NHS: variants seen among roughly 807,000 people sequenced by gnomAD.
NHS encodes NHS actin remodeling regulator, also known as actin remodeling regulator NHS.
A neutral mutation model predicts 72.5 loss-of-function variants in NHS; 5 were observed. The ratio of observed to expected loss-of-function variants is 0.07; its 90% CI spans 0.04 to 0.14. The LOEUF is 0.14. NHS is among the 10% of genes least tolerant of loss of function. NHS has a pLI of 1.00. For missense variants in NHS, 1,072 were observed against 1,355.7 expected (o/e 0.79, Z 3.29); for synonymous variants, 464 against 547.7 (o/e 0.85, Z 2.13).
At chrX:17,524,113 T>C (rs1054552601) in intron 1 of NHS, among the ~76,000 whole-genome samples, 1 of 112,343 alleles carries the variant, frequency 8.9e-6, no homozygotes, top group Admixed American at 9.4e-5. Flanking sequence ...CTTTTTATTT[T>C]GAAATAATTA....
At chrX:17,538,199 A>G (rs376408222) in intron 1 of NHS, among the ~76,000 whole-genome samples, 159 of 112,269 alleles carry the variant, frequency 1.4e-3, no homozygotes, top group Middle Eastern at 4.6e-3. Flanking sequence ...CTGGACTCAT[A>G]TAGTCTCACA....
At chrX:17,472,534 C>G (rs1020742280) in intron 1 of NHS, among the ~76,000 whole-genome samples, 2 of 112,318 alleles carry the variant, frequency 1.8e-5, no homozygotes, top group Non-Finnish European at 3.8e-5. Flanking sequence ...TGGCTTGAAG[C>G]TTCTTTGATT....
chrX:17,376,066 G>T lies in NHS; in HGVS notation c.309G>T (p.Ala103=), dbSNP rs2064344909. ...EESTAGIPEA[A]PAAGEASSAA... ...GCACGGCGGGGATCCCGGAGGCGGC[G>T]CCCGCAGCCGGCGAGGCGTCCTCGG... Residue 103 remains alanine (A), a synonymous_variant, in exon 1 of 9, where the codon GCG becomes GCT. Transcript: ENST00000676302. 3.8e-6 allele frequency: 4 copies of T among 1,053,832 alleles called. No individual in the cohort carries two copies. Among genetic ancestry groups the T allele is most frequent in the Non-Finnish European group, 4.8e-6 (4 of 827,796 alleles). 86.8% of individuals were successfully genotyped at this position (1,053,832 alleles called of 1,213,427 possible).
At chrX:17,564,983 A>T (rs7882059) in intron 1 of NHS, among the ~76,000 whole-genome samples, 3,199 of 86,006 alleles carry the variant, frequency 0.037, 154 homozygotes, top group African/African-American at 0.16. Context: ...TTTTTTATTT[A>T]TTTTTTTTTT....
chrX:17,418,315 T>G (rs1230588320), intron 1 of NHS, among the ~76,000 whole-genome samples: 1 of 111,416 alleles, frequency 9.0e-6, no homozygotes, highest in Non-Finnish European at 1.9e-5. Context: ...GTTGGAGACG[T>G]TTTACTATTG....
intron 1 of NHS, among the ~76,000 whole-genome samples, chrX:17,603,181 G>A (rs1227733260): frequency 9.0e-6 from 1 of 111,641 alleles, no homozygotes; most frequent in Non-Finnish European, 1.9e-5. Flanking sequence ...CTGTGTGTGT[G>A]TATGGGGGGG....
intron 1 of NHS, among the ~76,000 whole-genome samples, chrX:17,685,539 C>T (rs968591847): frequency 2.7e-5 from 3 of 111,437 alleles, no homozygotes; most frequent in Non-Finnish European, 3.8e-5. Flanking sequence ...CACTGGCTTG[C>T]CCAACAAGCA....
At chrX:17,678,729 CAA>C (rs1447872333) in intron 1 of NHS, among the ~76,000 whole-genome samples, 3 of 110,081 alleles carry the variant, frequency 2.7e-5, no homozygotes, top group African/African-American at 1.0e-4. Context: ...CAAACCATAT[CAA>C]AGAGAGAGAG....
chrX:17,686,820 G>A (rs2066165582), intron 1 of NHS: 1 of 111,541 alleles, frequency 9.0e-6, no homozygotes, highest in Non-Finnish European at 1.9e-5. Flanking sequence ...AAAGCAGACT[G>A]GGCCAGTTCA....
intron 1 of NHS, among the ~76,000 whole-genome samples, chrX:17,663,402 C>T (rs2065992698): frequency 8.9e-6 from 1 of 111,768 alleles, no homozygotes; most frequent in African/African-American, 3.2e-5. Context: ...TCTCCCACAC[C>T]TTTTGGCAAC....
intron 1 of NHS, among the ~76,000 whole-genome samples, chrX:17,580,364 C>T (rs920690523): frequency 8.9e-5 from 10 of 112,012 alleles, no homozygotes; most frequent in Admixed American, 3.8e-4. Flanking sequence ...GCACCTACTA[C>T]GTACCACACA....
At chrX:17,696,574 G>A (rs1261211282) in intron 3 of NHS, among the ~76,000 whole-genome samples, 4 of 112,178 alleles carry the variant, frequency 3.6e-5, no homozygotes, top group Non-Finnish European at 1.9e-5. Context: ...AGTCTACACA[G>A]CCTTTCTTTG....
At chrX:17,424,902 T>A (rs2064643323) in intron 1 of NHS, among the ~76,000 whole-genome samples, 1 of 111,491 alleles carries the variant, frequency 9.0e-6, no homozygotes, top group African/African-American at 3.3e-5. Context: ...CTGTATCCTT[T>A]AGGAACTCAC....
chrX:17,671,106 G>A (rs1285941719), intron 1 of NHS, among the ~76,000 whole-genome samples: 1 of 112,304 alleles, frequency 8.9e-6, no homozygotes, highest in Non-Finnish European at 1.9e-5. Context: ...TGCACTGCCT[G>A]AGGATCCTCC....
At position 17,514,820 on chromosome X, in the gene NHS, G is replaced by C. The variant is rs946082534; in HGVS notation, c.565+138498G>C. On this transcript the variant is annotated intron_variant, in intron 1 of 8. Transcript: ENST00000676302. ...TTCTCCAAGGTCTGCTGCACTTATA[G>C]GGCTGTTTCCTTTGTCATTATTTTC... Among the ~76,000 whole-genome samples, 75 of 111,703 alleles carry C rather than the reference G, an allele frequency of 6.7e-4. 1 individual carries two copies. The highest frequency in any genetic ancestry group is 2.4e-3 in the African/African-American group (74 of 30,736).
intron 1 of NHS, among the ~76,000 whole-genome samples, chrX:17,429,909 C>G (rs753850204): frequency 9.0e-6 from 1 of 111,645 alleles, no homozygotes; most frequent in East Asian, 2.8e-4. Context: ...TGGGCCCAGT[C>G]TCCTCCTTCC....
rs751851478 is a variant in NHS at position 17,692,468 on chromosome X, G to C, written c.852G>C (p.Thr284=). The change falls in exon 3 of 9, where the codon ACG becomes ACC. Residue 284 remains threonine, a splice_region_variant and synonymous_variant. Transcript: ENST00000676302. ...RREFKDRHFL[T]FNSTRSPSPT... ...AGTTTAAGGACCGTCACTTTTTAACGGTAAGTTTGGTGGCCACCTGCAGCC... is the reference window on the plus strand; with the variant it reads ...AGTTTAAGGACCGTCACTTTTTAACCGTAAGTTTGGTGGCCACCTGCAGCC... The C allele has an allele frequency of 8.3e-7, 1 of 1,210,281 alleles. No homozygotes were observed. Among genetic ancestry groups the C allele is most frequent in the Non-Finnish European group, 1.1e-6 (1 of 895,016 alleles).
At chrX:17,731,557 A>T (rs2066487178) in intron 8 of NHS, among the ~76,000 whole-genome samples, 1 of 111,114 alleles carries the variant, frequency 9.0e-6, no homozygotes, top group African/African-American at 3.3e-5. Context: ...ATAGTTTCTT[A>T]AACTTTTACA....
intron 1 of NHS, among the ~76,000 whole-genome samples, chrX:17,627,175 G>A (rs780854152): frequency 1.8e-5 from 2 of 112,394 alleles, no homozygotes; most frequent in African/African-American, 6.5e-5. Flanking sequence ...GGTGCATGAT[G>A]TCATTTACAA....
Sources: allele counts gnomAD v4.1 joint callset (sites outside exome capture counted in the v4.1 genomes callset), GRCh38; gene constraint gnomAD v4.1.1; transcripts MANE v1.5; gene names NCBI Gene and HGNC (gene_info 2026-07-23, HGNC 2026-07-21).